The following SEC22A variants were observed in gnomAD, a reference collection of about 807,000 sequenced individuals.
SEC22A encodes SEC22 homolog A, vesicle trafficking protein.
Under a neutral mutation model 35.3 loss-of-function variants are expected in SEC22A, and 22 were observed. That is an observed-to-expected ratio of 0.62 (90% CI 0.45 to 0.89). The LOEUF (loss-of-function observed/expected upper bound fraction) is 0.89. Among genes scored for constraint, SEC22A ranks in the 40% least tolerant of loss-of-function variants. SEC22A has a pLI of 0.00. For synonymous variants in SEC22A, 119 were observed against 129.5 expected (o/e 0.92, Z 0.55); for missense variants, 354 against 362.5 (o/e 0.98, Z 0.19).
intron 1 of SEC22A, among the ~76,000 whole-genome samples, chr3:123,202,588 A>C (rs1046348617): frequency 1.3e-5 from 2 of 152,142 alleles, no homozygotes; most frequent in African/African-American, 4.8e-5. Context: ...AGACCTGAGC[A>C]ATTGGCTCGG....
intron 4 of SEC22A, among the ~76,000 whole-genome samples, chr3:123,240,066 G>A (rs1408117854): frequency 6.6e-6 from 1 of 152,174 alleles, no homozygotes; most frequent in East Asian, 1.9e-4. Context: ...TTGTAGAGGA[G>A]TTGGTTGGTA....
chr3:123,218,244 G>A (rs909373893), intron 2 of SEC22A, among the ~76,000 whole-genome samples: 1 of 152,114 alleles, frequency 6.6e-6, no homozygotes, highest in African/African-American at 2.4e-5. Flanking sequence ...AGTTCCTAGT[G>A]GGTGTGCCAG....
At position 123,272,553 on chromosome 3, in the gene SEC22A, A is replaced by G. The variant is rs1237664328; in HGVS notation, c.*831A>G. 1 of 152,220 alleles carries G rather than the reference A, an allele frequency of 6.6e-6. No homozygotes were observed. Among genetic ancestry groups the G allele is most frequent in the Non-Finnish European group, 1.5e-5 (1 of 68,038 alleles). The allele number at this position is 152,220 out of a possible 1,614,324, so 9.4% of individuals were successfully genotyped here. A position where few individuals can be genotyped will look rare whatever the true frequency, so the allele number is the denominator to read the frequency against. Reference sequence around the variant, plus strand: ...AGTGGAAAACCAGTATCAGTTTGCCATAAATAAAAGGTAACCACAAAATAA... The same window carrying G: ...AGTGGAAAACCAGTATCAGTTTGCCGTAAATAAAAGGTAACCACAAAATAA... On this transcript the variant is annotated 3_prime_UTR_variant, in exon 7 of 7. Transcript: ENST00000492595.
chr3:123,211,825 T>A (rs952355873), intron 2 of SEC22A, among the ~76,000 whole-genome samples: 2 of 151,924 alleles, frequency 1.3e-5, no homozygotes, highest in African/African-American at 4.8e-5. Context: ...CTCAGCACTT[T>A]GAGAGGCCGA....
In SEC22A at chr3:123,245,964, G is replaced by A. The variant is rs1937562661; in HGVS notation, c.607G>A (p.Gly203Arg). The A allele has an allele frequency of 6.2e-7, 1 of 1,613,192 alleles. No individual in the cohort carries two copies. Among genetic ancestry groups the A allele is most frequent in the Admixed American group, 1.7e-5 (1 of 59,964 alleles). The change falls in exon 5 of 7, where the codon GGA (glycine) becomes AGA (arginine). Residue 203 changes from glycine to arginine, a missense_variant. Gly to Arg is a moderately radical substitution (Grantham distance 125). Coordinates refer to ENST00000492595, the MANE Select transcript of SEC22A (RefSeq NM_012430.5). ...IVGFILSLLCGALNLIRGFHA... is the reference protein window; with the variant it reads ...IVGFILSLLCRALNLIRGFHA... ...AGGATTTATCCTTAGTCTTTTATGT[G>A]GAGCTCTGAATTTAATTCGAGGCTT...
Position 123,225,103 on chromosome 3 carries a change from A to G in SEC22A, c.347A>G (p.Asp116Gly). 3 of 1,582,536 alleles carry G rather than the reference A, an allele frequency of 1.9e-6. No individual in the cohort carries two copies. Among genetic ancestry groups the G allele is most frequent in the Non-Finnish European group, 2.6e-6 (3 of 1,158,854 alleles). The part of the protein sequence containing the change: ...AVRPYCFIEF[D>G]NFIQRTKQRY... ...GAAATTTATTTTTTATTTTACATAG[A>G]TAACTTCATTCAGAGGACCAAGCAG... is the stretch of plus-strand genomic sequence containing the variant. Residue 116 changes from aspartate to glycine, a missense_variant and splice_region_variant, in exon 4 of 7, where the codon GAT becomes GGT. Asp to Gly is a moderately conservative substitution (Grantham distance 94). Transcript: ENST00000492595.
chr3:123,209,292 A>G lies in SEC22A; in HGVS notation c.75A>G (p.Glu25=). The G allele has an allele frequency of 6.2e-7, 1 of 1,614,064 alleles. No individual in the cohort carries two copies. The highest frequency in any genetic ancestry group is 1.7e-5 in the Admixed American group (1 of 60,018). The change falls in exon 2 of 7, where the codon GAA becomes GAG. Residue 25 remains glutamate, a synonymous_variant. Coordinates refer to ENST00000492595, the MANE Select transcript of SEC22A (RefSeq NM_012430.5). ...GLPLSASTDY[E]QSTGMQECRK... is the part of the protein sequence containing the mutation. ...CACTTTCTGCTTCTACTGATTATGA[A>G]CAAAGCACAGGAATGCAGGAGTGCA...
At chr3:123,264,943 G>A (rs1040299178) in intron 6 of SEC22A, among the ~76,000 whole-genome samples, 5 of 151,662 alleles carry the variant, frequency 3.3e-5, no homozygotes, top group Non-Finnish European at 7.4e-5. Context: ...CACCGAGCCC[G>A]GCCTTGCTTA....
chr3:123,225,417 G>A lies in SEC22A; in HGVS notation c.541+120G>A, dbSNP rs1272976785. 5.7e-6 allele frequency: 3 copies of A among 526,242 alleles called. No individual in the cohort carries two copies. In the East Asian group the frequency reaches 9.3e-5, roughly 16 times the overall value. The allele number at this position is 526,242 out of a possible 1,614,324, so 32.6% of individuals were successfully genotyped here. ...ATCAAGTACATGAGAGAATATAGAA[G>A]TTCAAAGCAATCCTTTCAGTGATTT... On this transcript the variant is annotated intron_variant, in intron 4 of 6. Transcript: ENST00000492595.
At chr3:123,232,765 CA>C (rs1381717881) in intron 4 of SEC22A, among the ~76,000 whole-genome samples, 1 of 152,108 alleles carries the variant, frequency 6.6e-6, no homozygotes, top group Non-Finnish European at 1.5e-5. Context: ...AAGTAAAATG[CA>C]GACCAATATA....
At chr3:123,232,317 C>T (rs895183161) in intron 4 of SEC22A, among the ~76,000 whole-genome samples, 1 of 152,122 alleles carries the variant, frequency 6.6e-6, no homozygotes, top group African/African-American at 2.4e-5. Flanking sequence ...ATACTATAAA[C>T]AACTGTCTCC....
At chr3:123,238,526 A>G (rs2108067926) in intron 4 of SEC22A, among the ~76,000 whole-genome samples, 1 of 152,310 alleles carries the variant, frequency 6.6e-6, no homozygotes, top group Non-Finnish European at 1.5e-5. Context: ...CTTTAAATTT[A>G]CTTTTAATTC....
intron 6 of SEC22A, among the ~76,000 whole-genome samples, chr3:123,268,096 A>T (rs1938065918): frequency 6.6e-6 from 1 of 152,218 alleles, no homozygotes; most frequent in Non-Finnish European, 1.5e-5. Flanking sequence ...TTCTGAAGCC[A>T]TGCTGAAGGG....
chr3:123,224,142 C>T (rs1937179528), intron 3 of SEC22A, among the ~76,000 whole-genome samples: 2 of 152,078 alleles, frequency 1.3e-5, no homozygotes, highest in Admixed American at 6.5e-5. Flanking sequence ...GCCGTTGTAG[C>T]TCGAAAGCAG....
intron 2 of SEC22A, among the ~76,000 whole-genome samples, chr3:123,216,056 A>G (rs1342572218): frequency 6.6e-6 from 1 of 152,202 alleles, no homozygotes; most frequent in Non-Finnish European, 1.5e-5. Context: ...TTGTCTCATT[A>G]CTAGTATCAC....
At chr3:123,246,288 G>GAA (rs1937565935) in intron 5 of SEC22A, among the ~76,000 whole-genome samples, 1 of 152,174 alleles carries the variant, frequency 6.6e-6, no homozygotes. Flanking sequence ...TCTCATAACT[G>GAA]AAAGTTGAAC....
chr3:123,234,883 C>T (rs1367003712), intron 4 of SEC22A, among the ~76,000 whole-genome samples: 2 of 151,962 alleles, frequency 1.3e-5, no homozygotes, highest in Non-Finnish European at 2.9e-5. Flanking sequence ...ATTATCCAGG[C>T]GTGGTGGCGC....
At chr3:123,217,460 T>C (rs1170890058) in intron 2 of SEC22A, among the ~76,000 whole-genome samples, 1 of 150,770 alleles carries the variant, frequency 6.6e-6, no homozygotes, top group Non-Finnish European at 1.5e-5. Context: ...TGATCTGCCC[T>C]CCTCGGCCTC....
rs556859414 is a variant in SEC22A at position 123,237,992 on chromosome 3, A to G, written c.542-7907A>G. Among the ~76,000 whole-genome samples, 23 of 152,106 alleles carry G rather than the reference A, an allele frequency of 1.5e-4. No individual in the cohort carries two copies. The East Asian group carries it at 3.3e-3, about 22-fold the overall frequency. ...CAAAGTGAGACCCTGTCTCTACAAA[A>G]AAAATTAAAAGATTAGCTAGACATG... On this transcript the variant is annotated intron_variant, in intron 4 of 6. Transcript: ENST00000492595.
Sources: gnomAD v4.1 joint callset for allele counts (sites outside exome capture counted in the v4.1 genomes callset) on GRCh38, gnomAD v4.1.1 for gene constraint, MANE v1.5 for transcripts, NCBI Gene and HGNC (gene_info 2026-07-23, HGNC 2026-07-21) for gene names.